Variants in ANKRD44 observed in about 807,000 individuals in gnomAD.
ANKRD44 encodes serine/threonine-protein phosphatase 6 regulatory ankyrin repeat subunit B.
In ANKRD44, 35 loss-of-function variants were observed where a neutral mutation model predicts 116.0. The ratio of observed to expected loss-of-function variants is 0.30; its 90% CI spans 0.23 to 0.40. ANKRD44 has a LOEUF of 0.40. Among genes scored for constraint, ANKRD44 ranks in the 10% least tolerant of loss-of-function variants. ANKRD44 has a pLI of 1.00. For synonymous variants in ANKRD44, 435 were observed against 461.8 expected (o/e 0.94, Z 0.74); for missense variants, 1,014 against 1,242.6 (o/e 0.82, Z 2.77).
chr2:197,067,582 T>A (rs1455513763), intron 16 of ANKRD44, among the ~76,000 whole-genome samples: 3 of 134,350 alleles, frequency 2.2e-5, no homozygotes, highest in Non-Finnish European at 4.8e-5. Context: ...AAAGAAGACA[T>A]TTATGCAGCC....
In ANKRD44 at chr2:196,986,723, T is replaced by C. The variant is rs188092008; in HGVS notation, c.*2868A>G. 576 of 978,152 alleles carry C rather than the reference T, an allele frequency of 5.9e-4. No individual in the cohort carries two copies. Among genetic ancestry groups the C allele is most frequent in the Admixed American group, 8.0e-4 (13 of 16,274 alleles). The allele number at this position is 978,152 out of a possible 1,614,324, so 60.6% of individuals were successfully genotyped here. A position where few individuals can be genotyped will look rare whatever the true frequency, so the allele number is the denominator to read the frequency against. ...TAACCATCTGAATGCATTTCCATAG[T>C]ATATTACAGTTAAGTACTTCATTAC... On this transcript the variant is annotated 3_prime_UTR_variant, in exon 28 of 28. Coordinates refer to ENST00000282272, the MANE Select transcript of ANKRD44 (RefSeq NM_001195144.2).
intron 11 of ANKRD44, 60 bp downstream of exon 11, chr2:197,089,890 A>C: frequency 6.8e-7 from 1 of 1,461,618 alleles, no homozygotes; most frequent in Non-Finnish European, 9.6e-7. Context: ...CAGACACCTG[A>C]AGCCATTGAC....
chr2:197,279,158 T>C (rs2083191897), intron 1 of ANKRD44, among the ~76,000 whole-genome samples: 1 of 152,212 alleles, frequency 6.6e-6, no homozygotes, highest in Non-Finnish European at 1.5e-5. Flanking sequence ...TTTCAAAGAC[T>C]GATAAAATAT....
chr2:197,236,909 G>T (rs1030214298), intron 1 of ANKRD44, among the ~76,000 whole-genome samples: 4 of 152,172 alleles, frequency 2.6e-5, no homozygotes, highest in Non-Finnish European at 5.9e-5. Flanking sequence ...AGGCATATCT[G>T]CCTCCAGAAA....
At chr2:197,164,490 G>C (rs1002190534) in intron 2 of ANKRD44, among the ~76,000 whole-genome samples, 2 of 152,184 alleles carry the variant, frequency 1.3e-5, no homozygotes, top group African/African-American at 2.4e-5. Context: ...CTGAAGAGCA[G>C]CGCTCAGAAG....
chr2:197,185,695 T>G (rs564212257), intron 2 of ANKRD44, among the ~76,000 whole-genome samples: 2 of 152,346 alleles, frequency 1.3e-5, no homozygotes, highest in African/African-American at 4.8e-5. Flanking sequence ...ATACAGTGAT[T>G]CTTAATCTTT....
intron 1 of ANKRD44, among the ~76,000 whole-genome samples, chr2:197,284,257 T>A (rs2083343082): frequency 6.6e-6 from 1 of 152,162 alleles, no homozygotes; most frequent in Non-Finnish European, 1.5e-5. Context: ...CACTCCCGCC[T>A]CTGGCAGGCT....
rs1303482056 is a variant in ANKRD44 at position 197,110,771 on chromosome 2, T to C, written c.980A>G (p.Gln327Arg). 1.2e-6 allele frequency: 2 copies of C among 1,613,006 alleles called. No individual in the cohort carries two copies. The highest frequency in any genetic ancestry group is 1.7e-6 in the Non-Finnish European group (2 of 1,179,098). Residue 327 changes from glutamine (Q) to arginine (R), a missense_variant, in exon 9 of 28, where the codon CAG becomes CGG. Gln to Arg is a conservative substitution (Grantham distance 43). Coordinates refer to ENST00000282272, the MANE Select transcript of ANKRD44 (RefSeq NM_001195144.2). ...GRFTRSQTLI[Q>R]NGGEIDCVDK... ...TACTGAAGCATCTCTCTTACCATTC[T>C]GAATGAGGGTCTGTGACCGTGTGAA... is the stretch of plus-strand genomic sequence containing the variant.
chr2:197,293,494 C>T (rs905129235), intron 1 of ANKRD44, among the ~76,000 whole-genome samples: 1 of 152,196 alleles, frequency 6.6e-6, no homozygotes, highest in Non-Finnish European at 1.5e-5. Flanking sequence ...TTAAACATAT[C>T]TGCATTTACA....
intron 25 of ANKRD44, among the ~76,000 whole-genome samples, chr2:196,996,186 A>G (rs1275082089): frequency 6.6e-6 from 1 of 152,218 alleles, no homozygotes; most frequent in Non-Finnish European, 1.5e-5. Context: ...CTGAATCTCA[A>G]GCTCTGCCCC....
At chr2:197,059,979 G>A (rs1367386641) in intron 16 of ANKRD44, among the ~76,000 whole-genome samples, 1 of 152,128 alleles carries the variant, frequency 6.6e-6, no homozygotes, top group African/African-American at 2.4e-5. Context: ...TGAAACAAGA[G>A]ACCAACATAA....
intron 1 of ANKRD44, among the ~76,000 whole-genome samples, chr2:197,231,772 T>C (rs949713426): frequency 3.9e-5 from 6 of 152,120 alleles, no homozygotes; most frequent in Non-Finnish European, 7.4e-5. Flanking sequence ...AAGTCTTGAA[T>C]GTAGGGCCTT....
At chr2:197,122,820 C>A (rs146406479) in intron 6 of ANKRD44, 28 bp from the exon 7 acceptor site, 1 of 1,609,598 alleles carries the variant, frequency 6.2e-7, no homozygotes, top group African/African-American at 1.3e-5. Context: ...CAGAAAACAT[C>A]GTTAACCTTT....
At chr2:197,122,367 T>C (rs2078876302) in intron 7 of ANKRD44, among the ~76,000 whole-genome samples, 1 of 152,190 alleles carries the variant, frequency 6.6e-6, no homozygotes, top group Admixed American at 6.5e-5. Flanking sequence ...ATGCAGAACC[T>C]TGGCCAGTCT....
chr2:197,166,492 G>T (rs76252787), intron 2 of ANKRD44, among the ~76,000 whole-genome samples: 3,542 of 152,346 alleles, frequency 0.023, 56 homozygotes, highest in Middle Eastern at 0.044. Flanking sequence ...ATATTGAAAA[G>T]AGGATGTTAT....
chr2:197,114,540 C>T (rs1473228677), intron 8 of ANKRD44, among the ~76,000 whole-genome samples: 1 of 152,184 alleles, frequency 6.6e-6, no homozygotes, highest in Non-Finnish European at 1.5e-5. Flanking sequence ...TTCTTGACCA[C>T]CAGTCTCCTC....
chr2:197,309,634 C>A (rs543211931), intron 1 of ANKRD44, among the ~76,000 whole-genome samples: 9 of 152,270 alleles, frequency 5.9e-5, no homozygotes, highest in Non-Finnish European at 1.3e-4. Flanking sequence ...CCTACCAGGA[C>A]CCCAAAACAA....
In ANKRD44 at chr2:197,266,699, CA is replaced by C. The variant is rs534288039; in HGVS notation, c.27+43878del. The stretch of plus-strand genomic sequence containing the variant: ...TTCTATTCTGCCATTTCCCCACCAG[CA>C]AAAAACAAACCGCACTTCCTACTAC... On this transcript the variant is annotated intron_variant, in intron 1 of 27. Coordinates refer to ENST00000282272, the MANE Select transcript of ANKRD44 (RefSeq NM_001195144.2). Among the ~76,000 whole-genome samples, 173 of 151,514 alleles carry C rather than the reference CA, an allele frequency of 1.1e-3. 1 individual carries two copies. The highest frequency in any genetic ancestry group is 3.8e-3 in the African/African-American group (158 of 41,236).
intron 16 of ANKRD44, among the ~76,000 whole-genome samples, chr2:197,037,678 C>T (rs2076833219): frequency 6.6e-6 from 1 of 152,228 alleles, no homozygotes; most frequent in Admixed American, 6.5e-5. Flanking sequence ...TGGCTTATGC[C>T]TGTAATCTCA....
Sources: allele counts gnomAD v4.1 joint callset (sites outside exome capture counted in the v4.1 genomes callset), GRCh38; gene constraint gnomAD v4.1.1; transcripts MANE v1.5; gene names NCBI Gene and HGNC (gene_info 2026-07-23, HGNC 2026-07-21).